MEFV: variants seen among roughly 807,000 people sequenced by gnomAD.
MEFV encodes the protein pyrin.
MEFV carries 60 observed loss-of-function variants against 62.5 expected under a neutral mutation model. The ratio of observed to expected loss-of-function variants is 0.96; its 90% confidence interval spans 0.78 to 1.19. The LOEUF (loss-of-function observed/expected upper bound fraction) is 1.19. Among genes scored for constraint, MEFV ranks in the 50% most tolerant of loss-of-function variants. The pLI, the probability that MEFV is intolerant of heterozygous loss-of-function variation, is 0.00. For synonymous variants in MEFV, 500 were observed against 415.2 expected, an observed-to-expected ratio of 1.20 and a Z score of -2.48; for missense variants, 1,169 against 1,004.5, an observed-to-expected ratio of 1.16 and a Z score of -2.21.
Position 3,254,249 on chromosome 16 carries a change from C to A in MEFV, c.819G>T (p.Ser273=), listed in dbSNP as rs962267537. 5.6e-6 allele frequency: 9 copies of A among 1,614,242 alleles called. No homozygotes were observed. The highest frequency in any genetic ancestry group is 7.6e-6 in the Non-Finnish European group (9 of 1,180,042). The stretch of plus-strand genomic sequence containing the variant: ...TGGGCCTTGCCCGGGGTTCTGTTGC[C>A]GAGTCCAGATTCGCAGCTGTCTTTT... ...LEEKTAANLD[S]ATEPRARPTP... The change falls in exon 2 of 10, where the codon TCG becomes TCT. Residue 273 remains serine, a synonymous_variant. Coordinates refer to ENST00000219596, the MANE Select transcript of MEFV (RefSeq NM_000243.3).
chr16:3,245,003 T>A (rs972626413), intron 6 of MEFV, among the ~76,000 whole-genome samples: 1 of 151,870 alleles, frequency 6.6e-6, no homozygotes, highest in East Asian at 1.9e-4. Context: ...CAGAAAAAAA[T>A]AGACCAGGTA....
chr16:3,248,680 T>C (rs1168930401), intron 4 of MEFV: 43 of 1,344,646 alleles, frequency 3.2e-5, no homozygotes, highest in Middle Eastern at 4.0e-4. Flanking sequence ...CATCTTCTGG[T>C]GAGTATGAGA....
Position 3,243,375 on chromosome 16 carries a change from A to C in MEFV, c.2112T>G (p.Val704=). The part of the protein sequence containing the change: ...MKENEYQASS[V]PPTRLLIKEP... ...CCTTTATTAGCAGGCGGGTCGGGGG[A>C]ACGCTGGACGCCTGGTACTCATTTT... Residue 704 remains valine (V), a synonymous_variant, in exon 10 of 10, where the codon GTT becomes GTG. Coordinates refer to ENST00000219596, the MANE Select transcript of MEFV (RefSeq NM_000243.3). 1 of 1,614,112 alleles carries C rather than the reference A, an allele frequency of 6.2e-7. No homozygotes were observed. Among genetic ancestry groups the C allele is most frequent in the Non-Finnish European group, 8.5e-7 (1 of 1,180,016 alleles).
intron 6 of MEFV, 163 bp downstream of exon 6, chr16:3,246,362 T>C (rs2141668256): frequency 2.6e-6 from 2 of 767,282 alleles, no homozygotes; most frequent in African/African-American, 1.7e-5. Flanking sequence ...CCCTTCTCCC[T>C]ATCAAATCCA....
chr16:3,248,511 A>C (rs1567233996), intron 4 of MEFV: 1 of 260,868 alleles, frequency 3.8e-6, no homozygotes, highest in Admixed American at 4.9e-5. Context: ...AATCGCTTGA[A>C]CCCGGGAGGC....
Position 3,243,137 on chromosome 16 carries a change from GCATT to G in MEFV, c.2346_*3del. The G allele has an allele frequency of 6.2e-7, 1 of 1,612,864 alleles. No homozygotes were observed. The highest frequency in any genetic ancestry group is 8.5e-7 in the Non-Finnish European group (1 of 1,179,866). On this transcript the variant is annotated stop_lost and 3_prime_UTR_variant, in exon 10 of 10. Transcript: ENST00000219596. Reference sequence around the variant, plus strand: ...AGCAGGAAGAGAGATGCAGTGTTGGGCATTCAGTCAGGCCCCTGACCACCCACTG... The same window carrying G: ...AGCAGGAAGAGAGATGCAGTGTTGGGCAGTCAGGCCCCTGACCACCCACTG...
At position 3,243,407 on chromosome 16, in the gene MEFV, T is replaced by G; in HGVS notation, c.2080A>C (p.Met694Leu). The change falls in exon 10 of 10, where the codon ATG (methionine) becomes CTG (leucine). Residue 694 changes from methionine to leucine, a missense_variant. Met to Leu is a conservative substitution (Grantham distance 15, BLOSUM62 2). Coordinates refer to ENST00000219596, the MANE Select transcript of MEFV (RefSeq NM_000243.3). ...GACGCCTGGTACTCATTTTCCTTCA[T>G]CATTATCACCACCCAGTAGCCATTC... The part of the protein sequence containing the change: ...PENGYWVVIM[M>L]KENEYQASSV... 6.2e-7 allele frequency: 1 copy of G among 1,614,154 alleles called. No individual in the cohort carries two copies. The highest frequency in any genetic ancestry group is 1.3e-5 in the African/African-American group (1 of 75,030).
In MEFV at chr16:3,247,225, G is replaced by A; in HGVS notation, c.1378C>T (p.Gln460Ter). ...TGCTCCAGCTTCCTCTGCACCCGCT[G>A]CTTCAGCGCTTCAGTTTGTTTCTGG... ...SFLKQTEALK[Q>*]RVQRKLEQVY... The change falls in exon 5 of 10, where the codon CAG becomes TAG. Residue 460 changes from glutamine (Q) to a stop codon, truncating the protein, a stop_gained. Coordinates refer to ENST00000219596, the MANE Select transcript of MEFV (RefSeq NM_000243.3). LOFTEE classifies it high-confidence loss of function. 6.2e-7 allele frequency: 1 copy of A among 1,614,168 alleles called. No individual in the cohort carries two copies. Among genetic ancestry groups the A allele is most frequent in the Non-Finnish European group, 8.5e-7 (1 of 1,180,040 alleles).
chr16:3,254,826 T>C (rs937471602), intron 1 of MEFV, 36 bp from the exon 2 acceptor site: 3 of 1,606,244 alleles, frequency 1.9e-6, no homozygotes, highest in Non-Finnish European at 2.5e-6. Flanking sequence ...GATGAAGCTG[T>C]CCCACGTTTA....
chr16:3,245,834 C>A (rs1287010750), intron 6 of MEFV, among the ~76,000 whole-genome samples: 7 of 152,102 alleles, frequency 4.6e-5, no homozygotes, highest in African/African-American at 1.4e-4. Flanking sequence ...GGTAGGTACC[C>A]AAAATAACAA....
At chr16:3,245,245 G>A (rs1208424935) in intron 6 of MEFV, among the ~76,000 whole-genome samples, 1 of 151,634 alleles carries the variant, frequency 6.6e-6, no homozygotes, top group Non-Finnish European at 1.5e-5. Context: ...CTGTGACTGT[G>A]CCACTGCTCT....
intron 8 of MEFV, 150 bp from the exon 9 acceptor site, chr16:3,244,042 A>G (rs558918145): frequency 1.9e-5 from 30 of 1,552,094 alleles, no homozygotes; most frequent in Non-Finnish European, 2.4e-5. Context: ...CCTCCCAGGA[A>G]CCCAGGCCAT....
rs146820856 is a variant in MEFV, at chr16:3,246,983, G to C, written c.1587+33C>G. Reference sequence around the variant, plus strand: ...CCTGAGGCATCCTGATAGGCACAGGGGACCCAAGAAAGCCGGGCCCAGGCA... The same window carrying C: ...CCTGAGGCATCCTGATAGGCACAGGCGACCCAAGAAAGCCGGGCCCAGGCA... On this transcript the variant is annotated intron_variant, in intron 5 of 9. Coordinates refer to ENST00000219596, the MANE Select transcript of MEFV (RefSeq NM_000243.3). 1.3e-3 allele frequency: 2,062 copies of C among 1,600,176 alleles called. 8 individuals carry two copies. The African/African-American group carries it at 0.015, about 12-fold the overall frequency.
intron 4 of MEFV, 28 bp downstream of exon 4, chr16:3,248,881 A>G (rs766269542): frequency 1.2e-6 from 2 of 1,612,734 alleles, no homozygotes; most frequent in East Asian, 2.2e-5. Flanking sequence ...CCAGGGACGG[A>G]TGGGCCATCA....
intron 8 of MEFV, 115 bp from the exon 9 acceptor site, chr16:3,244,007 A>C: frequency 1.3e-6 from 2 of 1,560,730 alleles, no homozygotes; most frequent in Middle Eastern, 1.7e-4. Flanking sequence ...AGGGCCCTGC[A>C]TGCTATGTTG....
intron 4 of MEFV, chr16:3,248,340 C>A: frequency 6.2e-6 from 1 of 160,882 alleles, no homozygotes; most frequent in Non-Finnish European, 1.4e-5. Flanking sequence ...ATCTGTAATC[C>A]CAGTACTTTG....
chr16:3,249,349 C>G, intron 3 of MEFV, 82 bp downstream of exon 3: 1 of 1,296,264 alleles, frequency 7.7e-7, no homozygotes. Flanking sequence ...CACCAACAAC[C>G]CAGAGTTGTT....
At chr16:3,247,323 C>A in intron 4 of MEFV, 77 bp from the exon 5 acceptor site, 1 of 1,332,806 alleles carries the variant, frequency 7.5e-7, no homozygotes, top group South Asian at 1.2e-5. Context: ...CCCAGAAGCC[C>A]ACCTCCTGGA....
At chr16:3,255,092 G>T (rs778574899) in intron 1 of MEFV, among the ~76,000 whole-genome samples, 1 of 152,216 alleles carries the variant, frequency 6.6e-6, no homozygotes, top group Non-Finnish European at 1.5e-5. Flanking sequence ...CAAGGTGGGA[G>T]GATCATTTGA....
Sources: allele counts gnomAD v4.1 joint callset (sites outside exome capture counted in the v4.1 genomes callset), GRCh38; gene constraint gnomAD v4.1.1; transcripts MANE v1.5; gene names NCBI Gene and HGNC (gene_info 2026-07-23, HGNC 2026-07-21).